IDE: variants seen among roughly 807,000 people sequenced by gnomAD.
IDE encodes the protein insulin degrading enzyme.
In IDE, 58 loss-of-function variants were observed where a neutral mutation model predicts 133.2. The observed-to-expected ratio is 0.44, with a 90% CI of 0.35 to 0.54. The LOEUF (loss-of-function observed/expected upper bound fraction) is 0.54. IDE is among the 20% of genes least tolerant of loss of function. The pLI is 0.00. For synonymous variants in IDE, 396 were observed against 421.3 expected (o/e 0.94, Z 0.73); for missense variants, 981 against 1,234.0 (o/e 0.79, Z 3.07).
intron 11 of IDE, among the ~76,000 whole-genome samples, chr10:92,491,650 A>C: frequency 6.8e-6 from 1 of 146,642 alleles, no homozygotes; most frequent in African/African-American, 2.5e-5. Flanking sequence ...TGCTCTTGCC[A>C]CCCAGGCTGG....
At chr10:92,525,770 AC>A (rs35586301) in intron 4 of IDE, among the ~76,000 whole-genome samples, 6,496 of 124,086 alleles carry the variant, frequency 0.052, 191 homozygotes, top group Non-Finnish European at 0.075. Context: ...AAAAAAAAAA[AC>A]CAAGAAAGCA....
chr10:92,503,087 T>C (rs1848109329), intron 11 of IDE, among the ~76,000 whole-genome samples: 2 of 152,128 alleles, frequency 1.3e-5, no homozygotes, highest in Non-Finnish European at 1.5e-5. Context: ...CTCAAAACCA[T>C]GGTATCTTAT....
At chr10:92,457,678 T>C (rs1427914082) in intron 22 of IDE, among the ~76,000 whole-genome samples, 1 of 152,128 alleles carries the variant, frequency 6.6e-6, no homozygotes, top group East Asian at 1.9e-4. Flanking sequence ...TTCATATCCT[T>C]AGAGGAAAGA....
At chr10:92,524,508 A>T (rs12355280) in intron 4 of IDE, among the ~76,000 whole-genome samples, 3 of 71,860 alleles carry the variant, frequency 4.2e-5, no homozygotes, top group Non-Finnish European at 5.2e-5. Context: ...ATTTTATATA[A>T]TATATAATAT....
At chr10:92,509,954 T>C (rs1049452063) in intron 6 of IDE, 96 bp downstream of exon 6, 52 of 531,854 alleles carry the variant, frequency 9.8e-5, no homozygotes, top group Non-Finnish European at 1.6e-4. Context: ...ACATAAATAA[T>C]GAAACCTCCA....
rs1468998932 is a variant in IDE, at chr10:92,452,570, T to C, written c.*1874A>G. Reference sequence around the variant, plus strand: ...CGCATACCAAACAATTGCAGGTTCATGGAAGACTACATGAGATTGCTCTCA... The same window carrying C: ...CGCATACCAAACAATTGCAGGTTCACGGAAGACTACATGAGATTGCTCTCA... On this transcript the variant is annotated 3_prime_UTR_variant, in exon 25 of 25. Coordinates refer to ENST00000265986, the MANE Select transcript of IDE (RefSeq NM_004969.4). 6.6e-6 allele frequency: 1 copy of C among 152,342 alleles called. No individual in the cohort carries two copies. The highest frequency in any genetic ancestry group is 1.5e-5 in the Non-Finnish European group (1 of 68,028). 9.4% of individuals were successfully genotyped at this position (152,342 alleles called of 1,614,324 possible).
At chr10:92,510,867 A>G (rs553230058) in intron 5 of IDE, among the ~76,000 whole-genome samples, 1 of 151,120 alleles carries the variant, frequency 6.6e-6, no homozygotes, top group East Asian at 1.9e-4. Context: ...TCACATATAT[A>G]TCACATACAT....
chr10:92,470,249 C>A lies in IDE; in HGVS notation c.2208+5G>T. The A allele has an allele frequency of 6.3e-7, 1 of 1,589,926 alleles. No individual in the cohort carries two copies. The highest frequency in any genetic ancestry group is 8.6e-7 in the Non-Finnish European group (1 of 1,166,742). Reference sequence around the variant, plus strand: ...CAAAAGATTGCTAAAACCTCAACCACCCACCTGCTTTGTTATGTTTCCATG... The same window carrying A: ...CAAAAGATTGCTAAAACCTCAACCAACCACCTGCTTTGTTATGTTTCCATG... On this transcript the variant is annotated splice_donor_5th_base_variant and intron_variant, in intron 18 of 24. Transcript: ENST00000265986.
chr10:92,515,900 T>C (rs1241267876), intron 4 of IDE, among the ~76,000 whole-genome samples: 1 of 149,304 alleles, frequency 6.7e-6, no homozygotes, highest in Non-Finnish European at 1.5e-5. Context: ...GCCGGGTGCA[T>C]GGCTCACGCC....
intron 14 of IDE, among the ~76,000 whole-genome samples, chr10:92,482,729 A>G (rs529250737): frequency 6.6e-6 from 1 of 150,472 alleles, no homozygotes; most frequent in African/African-American, 2.4e-5. Flanking sequence ...ATACTCATTA[A>G]TGGGGAAAGA....
intron 24 of IDE, among the ~76,000 whole-genome samples, chr10:92,454,846 G>A (rs933354402): frequency 6.6e-6 from 1 of 152,060 alleles, no homozygotes; most frequent in Non-Finnish European, 1.5e-5. Flanking sequence ...TTCGCATCAA[G>A]GCTTCAGCAG....
At chr10:92,536,838 G>A (rs184555428) in intron 2 of IDE, among the ~76,000 whole-genome samples, 1 of 152,070 alleles carries the variant, frequency 6.6e-6, no homozygotes, top group Non-Finnish European at 1.5e-5. Flanking sequence ...AAGAGATCGA[G>A]ACCATCCTGG....
chr10:92,455,337 A>T (rs1238329731), intron 24 of IDE, among the ~76,000 whole-genome samples: 2 of 152,106 alleles, frequency 1.3e-5, no homozygotes, highest in Admixed American at 1.3e-4. Flanking sequence ...CTAGCTGGGC[A>T]TGGTGGCGTG....
chr10:92,533,737 A>G (rs1850070027), intron 3 of IDE, among the ~76,000 whole-genome samples: 1 of 148,050 alleles, frequency 6.8e-6, no homozygotes, highest in South Asian at 2.1e-4. Flanking sequence ...AAAAAAGCTG[A>G]CCAAGGCTGG....
At chr10:92,500,528 A>G (rs1847950655) in intron 11 of IDE, among the ~76,000 whole-genome samples, 1 of 152,202 alleles carries the variant, frequency 6.6e-6, no homozygotes, top group African/African-American at 2.4e-5. Flanking sequence ...ATAGAAACAG[A>G]ATGTAGAATA....
intron 3 of IDE, among the ~76,000 whole-genome samples, chr10:92,533,207 C>T (rs968698558): frequency 2.6e-5 from 4 of 152,124 alleles, no homozygotes; most frequent in Non-Finnish European, 2.9e-5. Context: ...CAGACATCCC[C>T]CATCATACAG....
intron 12 of IDE, 109 bp from the exon 13 acceptor site, chr10:92,487,427 G>T: frequency 1.1e-6 from 1 of 925,514 alleles, no homozygotes; most frequent in Non-Finnish European, 1.6e-6. Context: ...ATGTCACACA[G>T]CATTGTTTTC....
At chr10:92,510,791 G>GT (rs1848568832) in intron 5 of IDE, among the ~76,000 whole-genome samples, 3 of 94,700 alleles carry the variant, frequency 3.2e-5, no homozygotes, top group Admixed American at 1.1e-4. Context: ...CATCTCACAT[G>GT]ATATATAGCA....
intron 13 of IDE, among the ~76,000 whole-genome samples, chr10:92,484,268 G>A (rs1486082325): frequency 6.6e-6 from 1 of 152,084 alleles, no homozygotes; most frequent in Non-Finnish European, 1.5e-5. Flanking sequence ...AAAATGAGCA[G>A]GGTGTGGTGG....
Sources: gnomAD v4.1 joint callset for allele counts (sites outside exome capture counted in the v4.1 genomes callset) on GRCh38, gnomAD v4.1.1 for gene constraint, MANE v1.5 for transcripts, NCBI Gene and HGNC (gene_info 2026-07-23, HGNC 2026-07-21) for gene names.